The following GIT2 variants were observed in gnomAD, a reference collection of about 807,000 sequenced individuals.
GIT2 encodes GIT ArfGAP 2.
GIT2 carries 32 observed loss-of-function variants against 100.3 expected under a neutral mutation model. The ratio of observed to expected loss-of-function variants is 0.32; its 90% CI spans 0.24 to 0.43. The LOEUF is 0.43. Among genes scored for constraint, GIT2 ranks in the 20% least tolerant of loss-of-function variants. The probability of loss-of-function intolerance (pLI) is 1.00; values close to 1 mark genes in which losing one functional copy is unlikely to be tolerated. For missense variants in GIT2, 737 were observed against 975.1 expected, an observed-to-expected ratio of 0.76 and a Z score of 3.25; for synonymous variants, 353 against 364.1, an observed-to-expected ratio of 0.97 and a Z score of 0.35.
At chr12:109,998,908 T>A (rs1889782202), upstream of GIT2, 1 of 152,242 alleles carries the variant, frequency 6.6e-6, no homozygotes, top group East Asian at 1.9e-4. Context: ...AACTGCCCAG[T>A]TCAATATGTG....
Position 109,931,564 on chromosome 12 carries a change from T to C in GIT2, c.*1414A>G, listed in dbSNP as rs1339880067. On this transcript the variant is annotated 3_prime_UTR_variant, in exon 20 of 20. Transcript: ENST00000355312. The stretch of plus-strand genomic sequence containing the variant: ...GCCACCCTAGGCCCACTTTTCCACA[T>C]GGCAACAGGCGTGGAGCTGGGGGCT... The C allele has an allele frequency of 2.0e-5, 3 of 152,256 alleles. No individual in the cohort carries two copies. The highest frequency in any genetic ancestry group is 2.9e-5 in the Non-Finnish European group (2 of 68,046). The allele number at this position is 152,256 out of a possible 1,614,324, so 9.4% of individuals were successfully genotyped here. A position where few individuals can be genotyped will look rare whatever the true frequency, so the allele number is the denominator to read the frequency against.
At chr12:109,993,610 T>C (rs960244103) in intron 1 of GIT2, among the ~76,000 whole-genome samples, 6 of 152,230 alleles carry the variant, frequency 3.9e-5, no homozygotes, top group Admixed American at 6.5e-5. Context: ...AGTAAGGATA[T>C]AGAGAATAAG....
Position 109,931,437 on chromosome 12 carries a change from A to G in GIT2, c.*1541T>C, listed in dbSNP as rs1871620192. The G allele has an allele frequency of 1.3e-5, 2 of 152,236 alleles. No individual in the cohort carries two copies. Among genetic ancestry groups the G allele is most frequent in the African/African-American group, 4.8e-5 (2 of 41,472 alleles). The allele number at this position is 152,236 out of a possible 1,614,324, so 9.4% of individuals were successfully genotyped here. A position where few individuals can be genotyped will look rare whatever the true frequency, so the allele number is the denominator to read the frequency against. On this transcript the variant is annotated 3_prime_UTR_variant, in exon 20 of 20. Coordinates refer to ENST00000355312, the MANE Select transcript of GIT2 (RefSeq NM_057169.5). The stretch of plus-strand genomic sequence containing the variant: ...CCTAGAGGACACAGCTCACCTGCAC[A>G]TGGTCTCTGAAAGTGTTCAAATTGG...
Position 109,947,002 on chromosome 12 carries a change from T to A in GIT2, c.1641+254A>T, listed in dbSNP as rs186457118. On this transcript the variant is annotated intron_variant, in intron 15 of 19. Transcript: ENST00000355312. The surrounding 1 kb of genome is among the most constrained non-coding windows in gnomAD (Gnocchi z 4.3). ...GCTGGTTGAGAAATAATCATGGATG[T>A]GGGGGAGAAAAAAGCAGCAGTTCGG... Among the ~76,000 whole-genome samples the A allele has an allele frequency of 2.2e-4, 34 of 152,134 alleles. No homozygotes were observed. The highest frequency in any genetic ancestry group is 7.7e-4 in the African/African-American group (32 of 41,494).
intron 16 of GIT2, among the ~76,000 whole-genome samples, chr12:109,941,410 AT>A (rs1250519907): frequency 6.6e-6 from 1 of 152,224 alleles, no homozygotes; most frequent in Non-Finnish European, 1.5e-5. Context: ...CTAGAAGTTT[AT>A]AGCAGGAAGA....
chr12:109,940,951 A>G (rs938838973), intron 16 of GIT2, among the ~76,000 whole-genome samples: 1 of 151,912 alleles, frequency 6.6e-6, no homozygotes, highest in Non-Finnish European at 1.5e-5. Context: ...AACTCTACAT[A>G]AAGCCTGTCA....
rs1592932207 is a variant in GIT2, at chr12:109,934,013, G to A, written c.2067+9C>T. 2 of 1,462,972 alleles carry A rather than the reference G, an allele frequency of 1.4e-6. No homozygotes were observed. Among genetic ancestry groups the A allele is most frequent in the Non-Finnish European group, 1.9e-6 (2 of 1,042,234 alleles). 90.6% of individuals were successfully genotyped at this position (1,462,972 alleles called of 1,614,324 possible). On this transcript the variant is annotated intron_variant, in intron 19 of 19. Transcript: ENST00000355312. This position sits in a 1 kb window ranked among gnomAD's most constrained non-coding sequence, Gnocchi z 4.5. ...AGGATTTAAACCAAGTGAGTAGGAA[G>A]TGACTTACTTTGGGGAATAATGCTG...
chr12:109,966,582 C>T (rs1882508837), intron 8 of GIT2, among the ~76,000 whole-genome samples: 1 of 149,464 alleles, frequency 6.7e-6, no homozygotes, highest in Admixed American at 6.7e-5. Context: ...GAGGCCAGGG[C>T]AGGTGGATTG....
intron 7 of GIT2, among the ~76,000 whole-genome samples, chr12:109,974,719 T>A (rs1449962582): frequency 6.6e-6 from 1 of 152,238 alleles, no homozygotes; most frequent in Non-Finnish European, 1.5e-5. Context: ...AATATGTACT[T>A]GAAAAGAATG....
intron 4 of GIT2, among the ~76,000 whole-genome samples, chr12:109,984,616 TTTTA>T (rs1886983800): frequency 6.6e-6 from 1 of 151,524 alleles, no homozygotes; most frequent in Non-Finnish European, 1.5e-5. Flanking sequence ...CCTGCTAACT[TTTTA>T]TTTTTCAATA....
intron 9 of GIT2, among the ~76,000 whole-genome samples, chr12:109,964,906 G>A (rs1881950539): frequency 6.6e-6 from 1 of 152,112 alleles, no homozygotes; most frequent in South Asian, 2.1e-4. Flanking sequence ...AGGGCCTTGA[G>A]GCCTTGGGCC....
At chr12:109,971,041 C>A (rs1253958456) in intron 7 of GIT2, among the ~76,000 whole-genome samples, 1 of 152,240 alleles carries the variant, frequency 6.6e-6, no homozygotes, top group East Asian at 1.9e-4. Flanking sequence ...CCGCCGTGGC[C>A]TCCCAAAGTG....
chr12:109,976,583 G>A (rs1346592700), intron 7 of GIT2, among the ~76,000 whole-genome samples: 4 of 145,312 alleles, frequency 2.8e-5, no homozygotes, highest in South Asian at 4.4e-4. Flanking sequence ...CGCGCCTGGC[G>A]TTTTCTTTTC....
chr12:109,952,206 CT>C (rs1011229579), intron 13 of GIT2, among the ~76,000 whole-genome samples: 5 of 152,210 alleles, frequency 3.3e-5, no homozygotes, highest in African/African-American at 9.6e-5. Context: ...ATTGCCAAGA[CT>C]TTTCTATTCT....
rs538606678 is a variant in GIT2, at chr12:109,969,667, C to T, written c.719-2164G>A. Among the ~76,000 whole-genome samples the T allele has an allele frequency of 2.0e-5, 3 of 152,234 alleles. No individual in the cohort carries two copies. The East Asian group carries it at 5.8e-4, about 29-fold the overall frequency. On this transcript the variant is annotated intron_variant, in intron 7 of 19. Coordinates refer to ENST00000355312, the MANE Select transcript of GIT2 (RefSeq NM_057169.5). ...GCTCAAGTGATCCTCCTACTTCGGC[C>T]TCCCAAAGTACTAGGATTACAGGCG...
At chr12:109,982,411 C>T (rs1886475950) in intron 6 of GIT2, 1 of 152,206 alleles carries the variant, frequency 6.6e-6, no homozygotes. Flanking sequence ...ATTTATGAAT[C>T]ATCTTTTCCA....
rs930559442 is a variant in GIT2 at position 109,933,866 on chromosome 12, G to T, written c.2067+156C>A. On this transcript the variant is annotated intron_variant, in intron 19 of 19. Coordinates refer to ENST00000355312, the MANE Select transcript of GIT2 (RefSeq NM_057169.5). The surrounding 1 kb of genome is among the most constrained non-coding windows in gnomAD (Gnocchi z 4.5). Reference sequence around the variant, plus strand: ...TCTGCCTGTCTCGGCCTCCCAAAGTGCTGGGGTTACAGGCGTGAGCCACCA... The same window carrying T: ...TCTGCCTGTCTCGGCCTCCCAAAGTTCTGGGGTTACAGGCGTGAGCCACCA... The T allele has an allele frequency of 6.4e-6, 4 of 620,844 alleles. No homozygotes were observed. Among genetic ancestry groups the T allele is most frequent in the Non-Finnish European group, 1.2e-5 (4 of 334,638 alleles). 38.5% of individuals were successfully genotyped at this position (620,844 alleles called of 1,614,324 possible). A position where few individuals can be genotyped will look rare whatever the true frequency, so the allele number is the denominator to read the frequency against.
intron 13 of GIT2, 101 bp downstream of exon 13, chr12:109,952,991 C>T: frequency 8.5e-7 from 1 of 1,171,398 alleles, no homozygotes; most frequent in Non-Finnish European, 1.2e-6. Flanking sequence ...TTTGCTTGGC[C>T]TGAGCTAGTA....
At chr12:109,967,742 A>G (rs970200100) in intron 7 of GIT2, among the ~76,000 whole-genome samples, 9 of 152,112 alleles carry the variant, frequency 5.9e-5, no homozygotes, top group Middle Eastern at 3.2e-3. Flanking sequence ...GCTCACCCCA[A>G]TCACGACGAT....
Sources: gnomAD v4.1 joint callset for allele counts (sites outside exome capture counted in the v4.1 genomes callset) on GRCh38, gnomAD v4.1.1 for gene constraint, Gnocchi (gnomAD v3.1) non-coding constraint, MANE v1.5 for transcripts, NCBI Gene and HGNC (gene_info 2026-07-23, HGNC 2026-07-21) for gene names.